Variants in SPTLC2 observed in about 807,000 individuals in gnomAD.
SPTLC2 encodes the protein serine palmitoyltransferase 2.
A neutral mutation model predicts 62.0 loss-of-function variants in SPTLC2; 21 were observed. The observed-to-expected ratio is 0.34, with a 90% confidence interval of 0.24 to 0.49. The LOEUF is 0.49. Ranked by LOEUF, SPTLC2 falls within the 20% of genes least tolerant of loss-of-function variation. The probability of loss-of-function intolerance (pLI) is 0.99; values close to 1 mark genes in which losing one functional copy is unlikely to be tolerated. For synonymous variants in SPTLC2, 261 were observed against 261.8 expected, an observed-to-expected ratio of 1.00 and a Z score of 0.03; for missense variants, 511 against 713.0, an observed-to-expected ratio of 0.72 and a Z score of 3.23.
intron 3 of SPTLC2, among the ~76,000 whole-genome samples, chr14:77,577,153 T>C (rs1336879000): frequency 7.3e-6 from 1 of 136,162 alleles, no homozygotes; most frequent in Non-Finnish European, 1.7e-5. Flanking sequence ...CACCTTATCT[T>C]ACAGGACACT....
Position 77,506,955 on chromosome 14 carries a change from A to C in SPTLC2, c.*5329T>G, listed in dbSNP as rs2079308757. On this transcript the variant is annotated 3_prime_UTR_variant, in exon 12 of 12. Transcript: ENST00000216484. ...CATTCTTTAGGGTCAGTTTATTATA[A>C]CTTATCCTACCAGAAAGAATCACAG... 1 of 152,160 alleles carries C rather than the reference A, an allele frequency of 6.6e-6. No homozygotes were observed. Among genetic ancestry groups the C allele is most frequent in the African/African-American group, 2.4e-5 (1 of 41,414 alleles). 9.4% of individuals were successfully genotyped at this position (152,160 alleles called of 1,614,324 possible).
At chr14:77,589,683 G>A (rs2079804296) in intron 2 of SPTLC2, among the ~76,000 whole-genome samples, 1 of 151,874 alleles carries the variant, frequency 6.6e-6, no homozygotes, top group African/African-American at 2.4e-5. Context: ...CCAGCTACTT[G>A]GGAGACTGAG....
At chr14:77,569,113 C>T (rs1387364344) in intron 5 of SPTLC2, among the ~76,000 whole-genome samples, 1 of 99,946 alleles carries the variant, frequency 1.0e-5, no homozygotes, top group Non-Finnish European at 2.4e-5. Flanking sequence ...AATCATTACA[C>T]AATGTTCTTT....
chr14:77,533,546 A>G (rs1193593583), intron 9 of SPTLC2, among the ~76,000 whole-genome samples: 5 of 152,160 alleles, frequency 3.3e-5, no homozygotes, highest in African/African-American at 1.2e-4. Flanking sequence ...GTGTACACGC[A>G]AGCAGTTAGT....
chr14:77,576,699 T>C, intron 4 of SPTLC2, 68 bp downstream of exon 4: 1 of 1,600,498 alleles, frequency 6.2e-7, no homozygotes, highest in South Asian at 1.1e-5. Context: ...AGGTCAATAT[T>C]ACTATTATTT....
At chr14:77,513,735 A>G (rs1269200048) in intron 11 of SPTLC2, among the ~76,000 whole-genome samples, 4 of 152,024 alleles carry the variant, frequency 2.6e-5, no homozygotes, top group African/African-American at 9.7e-5. Context: ...GTCTCTACTG[A>G]AAATACAAAA....
chr14:77,588,786 A>G (rs1383663753), intron 2 of SPTLC2, among the ~76,000 whole-genome samples: 1 of 152,032 alleles, frequency 6.6e-6, no homozygotes, highest in Admixed American at 6.6e-5. Flanking sequence ...GGATCACTTA[A>G]GCCCAGAAGT....
intron 6 of SPTLC2, among the ~76,000 whole-genome samples, chr14:77,559,369 AG>A (rs1282201381): frequency 2.6e-5 from 4 of 152,176 alleles, no homozygotes; most frequent in African/African-American, 7.2e-5. Context: ...TTATCTACTT[AG>A]AAAAAAAAAT....
rs1016937616 is a variant in SPTLC2, at chr14:77,581,132, A to C, written c.328-2023T>G. On this transcript the variant is annotated intron_variant, in intron 2 of 11. Transcript: ENST00000216484. Reference sequence around the variant, plus strand: ...ACAGTTTTTACTGTATCAGCCAACTACTGAGTTTATAACCATTAGATCTGG... The same window carrying C: ...ACAGTTTTTACTGTATCAGCCAACTCCTGAGTTTATAACCATTAGATCTGG... Among the ~76,000 whole-genome samples, 4 of 152,352 alleles carry C rather than the reference A, an allele frequency of 2.6e-5. No individual in the cohort carries two copies. The South Asian group carries it at 8.3e-4, about 32-fold the overall frequency.
intron 9 of SPTLC2, among the ~76,000 whole-genome samples, chr14:77,527,487 A>G (rs1035258447): frequency 5.3e-5 from 8 of 152,228 alleles, no homozygotes; most frequent in Non-Finnish European, 5.9e-5. Context: ...ACAAAACAGA[A>G]TTAGATTTAG....
intron 9 of SPTLC2, among the ~76,000 whole-genome samples, chr14:77,533,125 C>G (rs2079449605): frequency 6.6e-6 from 1 of 151,980 alleles, no homozygotes. Context: ...TGGTGAAACC[C>G]TGTCTCTACT....
In SPTLC2 at chr14:77,555,385, C is replaced by T. The variant is rs759042473; in HGVS notation, c.1091G>A (p.Gly364Asp). The T allele has an allele frequency of 6.2e-7, 1 of 1,614,166 alleles. No individual in the cohort carries two copies. The highest frequency in any genetic ancestry group is 1.7e-5 in the Admixed American group (1 of 60,012). Residue 364 changes from glycine to aspartate, a missense_variant, in exon 8 of 12, where the codon GGC becomes GAC. Coordinates refer to ENST00000216484, the MANE Select transcript of SPTLC2 (RefSeq NM_004863.4). ...PTGRGVVEYF[G>D]LDPEDVDVMM... is the part of the protein sequence containing the mutation. ...AACATCCACATCCTCGGGATCCAGG[C>T]CAAAGTACTCCACCACACCCCGGCC...
chr14:77,552,162 G>A lies in SPTLC2; in HGVS notation c.1237C>T (p.Pro413Ser), dbSNP rs1465164847. ...GTGATGATCTGCTCCACTACAGGAG[G>A]TGACAATGACGTGGCATACACTGCA... ...HSAVYATSLS[P>S]PVVEQIITSM... Residue 413 changes from proline (P) to serine (S), a missense_variant, in exon 9 of 12, where the codon CCT becomes TCT. By Grantham distance (74) the Pro-to-Ser change is moderately conservative (BLOSUM62 -1). Transcript: ENST00000216484. 2 of 1,614,196 alleles carry A rather than the reference G, an allele frequency of 1.2e-6. No individual in the cohort carries two copies. Among genetic ancestry groups the A allele is most frequent in the East Asian group, 2.2e-5 (1 of 44,884 alleles).
chr14:77,601,396 T>G (rs2079876586), intron 1 of SPTLC2, among the ~76,000 whole-genome samples: 1 of 152,198 alleles, frequency 6.6e-6, no homozygotes, highest in African/African-American at 2.4e-5. Context: ...ACCCGCTGCC[T>G]GCAAAACATT....
chr14:77,590,746 A>G (rs1044845404), intron 2 of SPTLC2, among the ~76,000 whole-genome samples: 6 of 152,202 alleles, frequency 3.9e-5, no homozygotes, highest in Admixed American at 3.9e-4. Flanking sequence ...AAAAATAAAT[A>G]AAGTATGTTA....
intron 9 of SPTLC2, among the ~76,000 whole-genome samples, chr14:77,540,176 C>G (rs1380226394): frequency 1.6e-5 from 2 of 125,068 alleles, no homozygotes; most frequent in East Asian, 4.7e-4. Context: ...AGCCTGCCAG[C>G]ATGGGCAACA....
At chr14:77,606,266 G>C (rs2079904448) in intron 1 of SPTLC2, among the ~76,000 whole-genome samples, 1 of 152,214 alleles carries the variant, frequency 6.6e-6, no homozygotes, top group South Asian at 2.1e-4. Flanking sequence ...GGAGGCAAAG[G>C]TTGCAGTGAG....
chr14:77,616,424 C>G, intron 1 of SPTLC2, 24 bp downstream of exon 1: 1 of 1,395,108 alleles, frequency 7.2e-7, no homozygotes, highest in Non-Finnish European at 9.3e-7. Flanking sequence ...GCCACCCCGG[C>G]CCCGCCGCGC....
intron 9 of SPTLC2, among the ~76,000 whole-genome samples, chr14:77,547,028 C>G (rs753857581): frequency 5.9e-5 from 9 of 152,272 alleles, no homozygotes; most frequent in Non-Finnish European, 1.3e-4. Flanking sequence ...CCACACCCAG[C>G]TAATTTTCAT....
Sources: gnomAD v4.1 joint callset for allele counts (sites outside exome capture counted in the v4.1 genomes callset) on GRCh38, gnomAD v4.1.1 for gene constraint, MANE v1.5 for transcripts, NCBI Gene and HGNC (gene_info 2026-07-23, HGNC 2026-07-21) for gene names.